Variants in NAALADL2 observed in about 807,000 individuals in gnomAD.
NAALADL2 encodes inactive N-acetylated-alpha-linked acidic dipeptidase-like protein 2.
In NAALADL2, 76 loss-of-function variants were observed where a neutral mutation model predicts 87.2. The observed-to-expected ratio is 0.87, with a 90% CI of 0.72 to 1.05. The LOEUF (loss-of-function observed/expected upper bound fraction) is 1.05. Among genes scored for constraint, NAALADL2 ranks in the 50% least tolerant of loss-of-function variants. The pLI, the probability that NAALADL2 is intolerant of heterozygous loss-of-function variation, is 0.00. For missense variants in NAALADL2, 1,089 were observed against 945.8 expected (o/e 1.15, Z -1.99); for synonymous variants, 354 against 331.0 (o/e 1.07, Z -0.75).
At position 175,393,191 on chromosome 3, in the gene NAALADL2, G is replaced by A. The variant is rs562106058; in HGVS notation, c.1091-54038G>A. 2.1e-4 allele frequency among the ~76,000 whole-genome samples: 31 copies of A among 144,436 alleles called. 1 individual carries two copies. The South Asian group carries it at 3.1e-3, about 14-fold the overall frequency. 94.8% of individuals were successfully genotyped at this position (144,436 alleles called of 152,430 possible). On this transcript the variant is annotated intron_variant, in intron 5 of 13. Transcript: ENST00000454872. ...CGGGAGGCTGAGGCAGGAGAATGGCGTGAACCCGGGAAGCGGAGCTTGCAG... is the reference window on the plus strand; with the variant it reads ...CGGGAGGCTGAGGCAGGAGAATGGCATGAACCCGGGAAGCGGAGCTTGCAG...
intron 11 of NAALADL2, among the ~76,000 whole-genome samples, chr3:175,714,448 T>C (rs1348049034): frequency 3.3e-5 from 5 of 152,198 alleles, no homozygotes; most frequent in Non-Finnish European, 5.9e-5. Flanking sequence ...TGGTGTCTCA[T>C]TGTGGTTGTG....
intron 3 of NAALADL2, among the ~76,000 whole-genome samples, chr3:175,239,891 G>A (rs1368669024): frequency 6.6e-6 from 1 of 152,064 alleles, no homozygotes; most frequent in African/African-American, 2.4e-5. Context: ...ACCATGTAAA[G>A]CACCTGACAG....
In NAALADL2 at chr3:175,576,197, C is replaced by G. The variant is rs1424316826; in HGVS notation, c.1800+10C>G. ...CATCAAAACATTAGAGGTGATTGTT[C>G]CTAAAAAATGCAAAACACACACACA... On this transcript the variant is annotated intron_variant, in intron 10 of 13. Transcript: ENST00000454872. The G allele has an allele frequency of 3.1e-6, 5 of 1,607,860 alleles. No individual in the cohort carries two copies. Among genetic ancestry groups the G allele is most frequent in the Non-Finnish European group, 4.2e-6 (5 of 1,177,634 alleles).
intron 11 of NAALADL2, among the ~76,000 whole-genome samples, chr3:175,728,203 A>G (rs1743194089): frequency 6.6e-6 from 1 of 152,208 alleles, no homozygotes. Context: ...CAAGAAACAT[A>G]TCCCAAACAA....
chr3:174,976,090 G>C (rs1355088425), intron 1 of NAALADL2, among the ~76,000 whole-genome samples: 1 of 152,100 alleles, frequency 6.6e-6, no homozygotes, highest in Non-Finnish European at 1.5e-5. Context: ...AAATGCAATA[G>C]ACATAGGTAA....
At chr3:175,189,006 C>T (rs6763262) in intron 2 of NAALADL2, among the ~76,000 whole-genome samples, 3,280 of 152,228 alleles carry the variant, frequency 0.022, 105 homozygotes, top group African/African-American at 0.074. Context: ...GGGGATGAGC[C>T]TCAGAGTCAC....
At chr3:175,153,763 A>G (rs1731900013) in intron 2 of NAALADL2, among the ~76,000 whole-genome samples, 1 of 152,130 alleles carries the variant, frequency 6.6e-6, no homozygotes, top group Non-Finnish European at 1.5e-5. Flanking sequence ...CATTTAGTTT[A>G]TTGGCATGTA....
At chr3:175,215,681 G>A (rs1008806814) in intron 2 of NAALADL2, among the ~76,000 whole-genome samples, 2 of 152,146 alleles carry the variant, frequency 1.3e-5, no homozygotes, top group Non-Finnish European at 2.9e-5. Context: ...CACTCCTGGA[G>A]GGGGTACAGT....
intron 1 of NAALADL2, among the ~76,000 whole-genome samples, chr3:175,087,386 C>T (rs1403861994): frequency 6.6e-6 from 1 of 152,176 alleles, no homozygotes; most frequent in Non-Finnish European, 1.5e-5. Context: ...CTCTGCCCGG[C>T]CGCCACCCCG....
At chr3:174,894,819 G>A (rs1207052178) in intron 1 of NAALADL2, among the ~76,000 whole-genome samples, 1 of 151,670 alleles carries the variant, frequency 6.6e-6, no homozygotes, top group African/African-American at 2.4e-5. Context: ...TCAAAAACCT[G>A]AAATAATATC....
intron 6 of NAALADL2, among the ~76,000 whole-genome samples, chr3:175,447,831 G>A (rs1048729865): frequency 6.6e-6 from 1 of 152,160 alleles, no homozygotes. Context: ...CCCGAGAGAT[G>A]CTTCTTGTAC....
intron 5 of NAALADL2, among the ~76,000 whole-genome samples, chr3:175,440,284 A>G (rs1719511064): frequency 6.6e-6 from 1 of 152,042 alleles, no homozygotes; most frequent in South Asian, 2.1e-4. Flanking sequence ...TTTGGTGACT[A>G]TGGCCTTATA....
intron 5 of NAALADL2, among the ~76,000 whole-genome samples, chr3:175,337,347 G>C (rs1762094825): frequency 6.6e-6 from 1 of 152,008 alleles, no homozygotes; most frequent in Non-Finnish European, 1.5e-5. Flanking sequence ...TCTTGGCTGA[G>C]TTATCTTTTC....
intron 1 of NAALADL2, among the ~76,000 whole-genome samples, chr3:175,073,738 C>T (rs1402780099): frequency 6.6e-6 from 1 of 152,028 alleles, no homozygotes; most frequent in Non-Finnish European, 1.5e-5. Flanking sequence ...CAGTGTTACT[C>T]AAGAGAAGAA....
chr3:174,476,348 G>C lies in NAALADL2; in HGVS notation c.-184+35316G>C, dbSNP rs561608147. 1.4e-3 allele frequency among the ~76,000 whole-genome samples: 213 copies of C among 151,310 alleles called. 2 individuals are homozygous for C. Among genetic ancestry groups the C allele is most frequent in the African/African-American group, 4.9e-3 (202 of 41,310 alleles). On this transcript the variant is annotated intron_variant, in intron 1 of 3. Coordinates refer to the NAALADL2 transcript ENST00000434257. ...GAATAAACTATCAAAGAACTTTATA[G>C]ATCAGTTATGATATGTTCCTGTGTT...
chr3:174,812,519 T>A (rs982643211), intron 3 of NAALADL2, among the ~76,000 whole-genome samples: 2 of 152,220 alleles, frequency 1.3e-5, no homozygotes, highest in South Asian at 4.1e-4. Flanking sequence ...CTATACTTTT[T>A]ATTTTTATTG....
At chr3:175,098,567 T>G (rs1327352800) in intron 2 of NAALADL2, among the ~76,000 whole-genome samples, 1 of 152,128 alleles carries the variant, frequency 6.6e-6, no homozygotes, top group Non-Finnish European at 1.5e-5. Context: ...TACCTCAGCT[T>G]CTCTTTTACT....
chr3:175,333,038 G>T lies in NAALADL2; in HGVS notation c.1090+8713G>T, dbSNP rs372801046. On this transcript the variant is annotated intron_variant, in intron 5 of 13. Coordinates refer to ENST00000454872, the MANE Select transcript of NAALADL2 (RefSeq NM_207015.3). ...TACATGTCAATTCTTGGGTTTTCAG[G>T]CTTGCTTGGGTGCTAGCAGTAGCAT... Among the ~76,000 whole-genome samples, 6 of 152,204 alleles carry T rather than the reference G, an allele frequency of 3.9e-5. 1 individual carries two copies. In the East Asian group the frequency reaches 1.2e-3, roughly 29 times the overall value.
rs1204673890 is a variant in NAALADL2, at chr3:175,809,413, A to C, written c.*6210A>C. On this transcript the variant is annotated 3_prime_UTR_variant, in exon 14 of 14. Transcript: ENST00000454872. ...CTACTTGGAGAATATGGATATTCTGAAAAGAAAAACCCTTTCTAGAACACT... is the reference window on the plus strand; with the variant it reads ...CTACTTGGAGAATATGGATATTCTGCAAAGAAAAACCCTTTCTAGAACACT... 1 of 149,944 alleles carries C rather than the reference A, an allele frequency of 6.7e-6. No homozygotes were observed. The highest frequency in any genetic ancestry group is 2.5e-5 in the African/African-American group (1 of 40,728). 9.3% of individuals were successfully genotyped at this position (149,944 alleles called of 1,614,324 possible).
Sources: allele counts gnomAD v4.1 joint callset (sites outside exome capture counted in the v4.1 genomes callset), GRCh38; gene constraint gnomAD v4.1.1; transcripts MANE v1.5; gene names NCBI Gene and HGNC (gene_info 2026-07-23, HGNC 2026-07-21).